PRG4: variants seen among roughly 807,000 people sequenced by gnomAD.
PRG4 encodes proteoglycan 4, also known as articular superficial zone protein.
PRG4 carries 61 observed loss-of-function variants against 91.2 expected under a neutral mutation model. That is an observed-to-expected ratio of 0.67 (90% CI 0.54 to 0.83). The LOEUF (loss-of-function observed/expected upper bound fraction) is 0.83, where lower values mean the gene tolerates loss of function less well. Among genes scored for constraint, PRG4 ranks in the 40% least tolerant of loss-of-function variants. The probability of loss-of-function intolerance (pLI) is 0.00; values close to 1 mark genes in which losing one functional copy is unlikely to be tolerated. For missense variants in PRG4, 1,564 were observed against 1,714.2 expected (o/e 0.91, Z 1.55); for synonymous variants, 576 against 614.2 (o/e 0.94, Z 0.92).
In PRG4 at chr1:186,312,822, G is replaced by A. The variant is rs140393971; in HGVS notation, c.4045G>A (p.Val1349Met). Residue 1349 changes from valine (V) to methionine (M), a missense_variant, in exon 12 of 13, where the codon GTG (valine) becomes ATG (methionine). Physicochemically the swap from Val to Met is conservative, Grantham distance 21. Around this residue, in one of 3 missense-constraint regions of PRG4, gnomAD observed 1,079 missense variants for 1,162.2 expected, o/e 0.93. Transcript: ENST00000445192. ...VSILWRGLPN[V>M]VTSAISLPNI... ...TATACTGTGGAGAGGACTTCCAAAT[G>A]TGGTTACCTCAGCTATATCACTGCC... 3.1e-6 allele frequency: 5 copies of A among 1,611,570 alleles called. No individual in the cohort carries two copies. In the African/African-American group the frequency reaches 4.0e-5, roughly 13 times the overall value.
intron 2 of PRG4, among the ~76,000 whole-genome samples, chr1:186,298,665 A>AT (rs1164617813): frequency 7.9e-5 from 12 of 151,732 alleles, no homozygotes; most frequent in African/African-American, 2.9e-4. Flanking sequence ...TAATTTTTGT[A>AT]TTTTTAGTAA....
rs143237608 is a variant in PRG4, at chr1:186,299,572, G to A, written c.77-519G>A. Among the ~76,000 whole-genome samples, 1,402 of 152,224 alleles carry A rather than the reference G, an allele frequency of 9.2e-3. 24 individuals are homozygous for A. The highest frequency in any genetic ancestry group is 0.032 in the African/African-American group (1,344 of 41,532). On this transcript the variant is annotated intron_variant, in intron 2 of 12. Transcript: ENST00000445192. The stretch of plus-strand genomic sequence containing the variant: ...AAGAGTTCACTACAAATAATTGGGA[G>A]GTATTAATTAACCTATGATGCCAAT...
At chr1:186,309,726 T>G (rs1350591288) in intron 7 of PRG4, 67 bp from the exon 8 acceptor site, 4 of 1,208,976 alleles carry the variant, frequency 3.3e-6, no homozygotes, top group Non-Finnish European at 4.9e-6. Context: ...GTGGAAAGAC[T>G]TGAAAAGAAC....
Position 186,313,802 on chromosome 1 carries a change from A to T in PRG4, c.*24A>T. ...AGACTGATGAGCAAAGGAGGAGTCA[A>T]CTAATGAAGAAATGAATAATAAATT... On this transcript the variant is annotated 3_prime_UTR_variant, in exon 13 of 13. Transcript: ENST00000445192. 2 of 1,547,276 alleles carry T rather than the reference A, an allele frequency of 1.3e-6. No individual in the cohort carries two copies. The highest frequency in any genetic ancestry group is 1.8e-6 in the Non-Finnish European group (2 of 1,119,470).
chr1:186,302,174 T>C (rs773911824), intron 4 of PRG4, among the ~76,000 whole-genome samples: 7 of 152,202 alleles, frequency 4.6e-5, no homozygotes, highest in South Asian at 2.1e-4. Context: ...AGTAAATTTA[T>C]GAATTAGTTT....
intron 2 of PRG4, 71 bp downstream of exon 2, chr1:186,297,022 A>G (rs1392643447): frequency 5.3e-6 from 7 of 1,319,542 alleles, no homozygotes; most frequent in Non-Finnish European, 7.6e-6. Context: ...TTTTATAACA[A>G]CGGAAATATA....
chr1:186,308,831 A>G lies in PRG4; in HGVS notation c.3112A>G (p.Lys1038Glu). ...PKKPTSTKKP[K>E]TMPRVRKPKT... Reference sequence around the variant, plus strand: ...AAAACCCACTTCTACCAAAAAGCCAAAAACAATGCCTAGAGTGAGAAAACC... The same window carrying G: ...AAAACCCACTTCTACCAAAAAGCCAGAAACAATGCCTAGAGTGAGAAAACC... Residue 1038 changes from lysine (K) to glutamate (E), a missense_variant, in exon 7 of 13, where the codon AAA becomes GAA. This residue lies in a region of PRG4 where 1,079 missense variants were observed against 1,162.2 expected (regional missense o/e 0.93). Coordinates refer to ENST00000445192, the MANE Select transcript of PRG4 (RefSeq NM_005807.6). The G allele has an allele frequency of 6.2e-7, 1 of 1,613,940 alleles. No individual in the cohort carries two copies. Among genetic ancestry groups the G allele is most frequent in the South Asian group, 1.1e-5 (1 of 91,088 alleles).
In PRG4 at chr1:186,307,957, T is replaced by G. The variant is rs1359916922; in HGVS notation, c.2238T>G (p.Ser746=). ...TTTKEPTSTT[S]DKPAPTTPKG... Reference sequence around the variant, plus strand: ...CCAAGGAGCCCACATCCACCACCTCTGACAAGCCCGCTCCAACTACCCCTA... The same window carrying G: ...CCAAGGAGCCCACATCCACCACCTCGGACAAGCCCGCTCCAACTACCCCTA... Residue 746 remains serine (S), a synonymous_variant, in exon 7 of 13, where the codon TCT becomes TCG. Coordinates refer to ENST00000445192, the MANE Select transcript of PRG4 (RefSeq NM_005807.6). 5.0e-6 allele frequency: 8 copies of G among 1,602,622 alleles called. No homozygotes were observed. The highest frequency in any genetic ancestry group is 2.8e-5 in the African/African-American group (2 of 70,622).
Position 186,308,444 on chromosome 1 carries a change from C to A in PRG4, c.2725C>A (p.Pro909Thr). ...AACTAAGACTCCTGCAGCGACTAAA[C>A]CTGAAATGACTACAACAGCTAAAGA... ...PTTKTPAATKPEMTTTAKDKT... is the reference protein window; with the variant it reads ...PTTKTPAATKTEMTTTAKDKT... Residue 909 changes from proline (P) to threonine (T), a missense_variant, in exon 7 of 13, where the codon CCT becomes ACT. Physicochemically the swap from Pro to Thr is conservative, Grantham distance 38. Transcript: ENST00000445192. The A allele has an allele frequency of 6.2e-7, 1 of 1,613,914 alleles. No individual in the cohort carries two copies. Among genetic ancestry groups the A allele is most frequent in the Admixed American group, 1.7e-5 (1 of 60,020 alleles).
chr1:186,311,212 G>A lies in PRG4; in HGVS notation c.3636+42G>A, dbSNP rs767419584. ...TGTGAGAGAAATTTAATAATAATTT[G>A]TAACTGCATTATTTATTACAACATA... On this transcript the variant is annotated intron_variant, in intron 9 of 12. Coordinates refer to ENST00000445192, the MANE Select transcript of PRG4 (RefSeq NM_005807.6). The A allele has an allele frequency of 2.5e-6, 4 of 1,568,858 alleles. No individual in the cohort carries two copies. In the Admixed American group the frequency reaches 6.7e-5, roughly 26 times the overall value.
intron 8 of PRG4, 38 bp downstream of exon 8, chr1:186,309,908 C>CTGTT: frequency 6.4e-7 from 1 of 1,562,510 alleles, no homozygotes; most frequent in Non-Finnish European, 8.8e-7. Flanking sequence ...TCTCATCATT[C>CTGTT]TGTTTTGGCA....
intron 8 of PRG4, 85 bp from the exon 9 acceptor site, chr1:186,310,949 A>C (rs1657169275): frequency 6.6e-7 from 1 of 1,506,196 alleles, no homozygotes; most frequent in Non-Finnish European, 9.2e-7. Flanking sequence ...AATGCATAAG[A>C]AAACTACATT....
rs117573726 is a variant in PRG4 at position 186,308,679 on chromosome 1, C to T, written c.2960C>T (p.Thr987Ile). Residue 987 changes from threonine to isoleucine, a missense_variant, in exon 7 of 13, where the codon ACA becomes ATA. Physicochemically the swap from Thr to Ile is moderately conservative, Grantham distance 89. Coordinates refer to ENST00000445192, the MANE Select transcript of PRG4 (RefSeq NM_005807.6). The stretch of plus-strand genomic sequence containing the variant: ...ACTACTCTTGCACCCAAAGTAACTA[C>T]AACAAAAAAGACAATTACTACCACT... Reference protein sequence around the residue: ...KTTTLAPKVTTTKKTITTTEI... With the variant: ...KTTTLAPKVTITKKTITTTEI... 366 of 1,610,726 alleles carry T rather than the reference C, an allele frequency of 2.3e-4. 3 individuals carry two copies. In the East Asian group the frequency reaches 7.8e-3, roughly 34 times the overall value.
chr1:186,301,332 G>C (rs549881628), intron 3 of PRG4, among the ~76,000 whole-genome samples: 3 of 152,058 alleles, frequency 2.0e-5, no homozygotes, highest in African/African-American at 7.3e-5. Flanking sequence ...TAAATAACTC[G>C]GGCAGCATCA....
intron 4 of PRG4, among the ~76,000 whole-genome samples, chr1:186,303,004 A>G (rs184961463): frequency 3.3e-5 from 5 of 152,332 alleles, no homozygotes; most frequent in African/African-American, 1.2e-4. Flanking sequence ...CAGCGTCCCA[A>G]CTTAAAATAA....
chr1:186,307,880 G>A lies in PRG4; in HGVS notation c.2161G>A (p.Ala721Thr). The A allele has an allele frequency of 6.3e-7, 1 of 1,579,606 alleles. No homozygotes were observed. Among genetic ancestry groups the A allele is most frequent in the Non-Finnish European group, 8.6e-7 (1 of 1,163,702 alleles). ...TGCTCCAACTACCCTCAAGGAACCT[G>A]CACCCACTACTCCCAAGAAGCCTGC... is the stretch of plus-strand genomic sequence containing the variant. ...GTAPTTLKEPAPTTPKKPAPK... is the reference protein window; with the variant it reads ...GTAPTTLKEPTPTTPKKPAPK... Residue 721 changes from alanine (A) to threonine (T), a missense_variant, in exon 7 of 13, where the codon GCA becomes ACA. Ala to Thr is a moderately conservative substitution (Grantham distance 58, BLOSUM62 0). This residue lies in a region of PRG4 where 1,079 missense variants were observed against 1,162.2 expected (regional missense o/e 0.93). Coordinates refer to ENST00000445192, the MANE Select transcript of PRG4 (RefSeq NM_005807.6).
chr1:186,311,098 T>A lies in PRG4; in HGVS notation c.3564T>A (p.Val1188=). 6.2e-7 allele frequency: 1 copy of A among 1,613,648 alleles called. No homozygotes were observed. Among genetic ancestry groups the A allele is most frequent in the Non-Finnish European group, 8.5e-7 (1 of 1,179,542 alleles). The stretch of plus-strand genomic sequence containing the variant: ...CTCCAGCTCGCAGAATTACTGAAGT[T>A]TGGGGTATTCCTTCCCCCATTGATA... ...PPSPARRITE[V]WGIPSPIDTV... Residue 1188 remains valine (V), a synonymous_variant, in exon 9 of 13, where the codon GTT becomes GTA. Transcript: ENST00000445192.
chr1:186,305,057 A>C, intron 6 of PRG4, 135 bp downstream of exon 6: 1 of 1,045,886 alleles, frequency 9.6e-7, no homozygotes, highest in East Asian at 2.8e-5. Context: ...ATTATCTTAG[A>C]AAGTACCAAA....
chr1:186,301,575 T>G lies in PRG4; in HGVS notation c.200-17T>G. 1 of 1,613,686 alleles carries G rather than the reference T, an allele frequency of 6.2e-7. No individual in the cohort carries two copies. Among genetic ancestry groups the G allele is most frequent in the Non-Finnish European group, 8.5e-7 (1 of 1,179,856 alleles). On this transcript the variant is annotated splice_polypyrimidine_tract_variant and intron_variant, in intron 3 of 12. Transcript: ENST00000445192. ...TCACAATGAATAATCTGTAACTTCTTGTTTTGCTCTGGGTAGAGCTTTCCT... is the reference window on the plus strand; with the variant it reads ...TCACAATGAATAATCTGTAACTTCTGGTTTTGCTCTGGGTAGAGCTTTCCT...
Sources: gnomAD v4.1 joint callset for allele counts (sites outside exome capture counted in the v4.1 genomes callset) on GRCh38, gnomAD v4.1.1 for gene constraint, gnomAD v4.1.1 regional missense constraint, MANE v1.5 for transcripts, NCBI Gene and HGNC (gene_info 2026-07-23, HGNC 2026-07-21) for gene names.